Variants in IFNG observed in about 807,000 individuals in gnomAD.
The protein encoded by IFNG is IFN-gamma.
A neutral mutation model predicts 14.4 loss-of-function variants in IFNG; 8 were observed. The observed-to-expected ratio is 0.56, with a 90% CI of 0.33 to 1.00. The LOEUF (loss-of-function observed/expected upper bound fraction) is 1.00, where lower values mean the gene tolerates loss of function less well. Among genes scored for constraint, IFNG ranks in the 50% least tolerant of loss-of-function variants. The pLI, the probability that IFNG is intolerant of heterozygous loss-of-function variation, is 0.03. For synonymous variants in IFNG, 73 were observed against 65.4 expected, an observed-to-expected ratio of 1.12 and a Z score of -0.56; for missense variants, 132 against 194.9, an observed-to-expected ratio of 0.68 and a Z score of 1.92.
In IFNG at chr12:68,155,205, A is replaced by G. The variant is rs1882581946; in HGVS notation, c.*148T>C. 1 of 486,842 alleles carries G rather than the reference A, an allele frequency of 2.1e-6. No individual in the cohort carries two copies. Among genetic ancestry groups the G allele is most frequent in the Non-Finnish European group, 3.5e-6 (1 of 284,618 alleles). The allele number at this position is 486,842 out of a possible 1,614,324, so 30.2% of individuals were successfully genotyped here. A position where few individuals can be genotyped will look rare whatever the true frequency, so the allele number is the denominator to read the frequency against. On this transcript the variant is annotated 3_prime_UTR_variant, in exon 4 of 4. Coordinates refer to ENST00000229135, the MANE Select transcript of IFNG (RefSeq NM_000619.3). ...GGAATTATAAATAATACATATATTAATAGATATTCATTTTCATTACACAAA... is the reference window on the plus strand; with the variant it reads ...GGAATTATAAATAATACATATATTAGTAGATATTCATTTTCATTACACAAA...
At chr12:68,158,121 G>A (rs374143441) in intron 2 of IFNG, 26 bp from the exon 3 acceptor site, 2 of 1,595,488 alleles carry the variant, frequency 1.3e-6, no homozygotes. Flanking sequence ...CACAAACAGA[G>A]GATGATGTGA....
At chr12:68,158,126 A>ATG in intron 2 of IFNG, 31 bp from the exon 3 acceptor site, 1 of 1,595,434 alleles carries the variant, frequency 6.3e-7, no homozygotes, top group Non-Finnish European at 8.6e-7. Context: ...ACAGAGGATG[A>ATG]TGTGAATTTA....
At chr12:68,156,419 A>T (rs141608668) in intron 3 of IFNG, among the ~76,000 whole-genome samples, 94 of 143,206 alleles carry the variant, frequency 6.6e-4, no homozygotes, top group African/African-American at 2.3e-3. Context: ...CTCTGCCATT[A>T]CATTTTTTCT....
In IFNG at chr12:68,159,574, G is replaced by A. The variant is rs778895202; in HGVS notation, c.42C>T (p.Ile14=). ...AGTAACAGCCAAGAGAACCCAAAAC[G>A]ATGCAGAGCTGAAAAGCCAAGATAT... is the stretch of plus-strand genomic sequence containing the variant. ...TSYILAFQLC[I]VLGSLGCYCQ... is the part of the protein sequence containing the mutation. The change falls in exon 1 of 4, where the codon ATC becomes ATT. Residue 14 remains isoleucine, a synonymous_variant. Coordinates refer to ENST00000229135, the MANE Select transcript of IFNG (RefSeq NM_000619.3). 18 of 1,605,340 alleles carry A rather than the reference G, an allele frequency of 1.1e-5. No homozygotes were observed. The South Asian group carries it at 1.3e-4, about 12-fold the overall frequency.
Position 68,155,198 on chromosome 12 carries a change from T to C in IFNG, c.*155A>G. 1 of 467,188 alleles carries C rather than the reference T, an allele frequency of 2.1e-6. No individual in the cohort carries two copies. Among genetic ancestry groups the C allele is most frequent in the Non-Finnish European group, 3.7e-6 (1 of 272,940 alleles). The allele number at this position is 467,188 out of a possible 1,614,324, so 28.9% of individuals were successfully genotyped here. The stretch of plus-strand genomic sequence containing the variant: ...GGATATAGGAATTATAAATAATACA[T>C]ATATTAATAGATATTCATTTTCATT... On this transcript the variant is annotated 3_prime_UTR_variant, in exon 4 of 4. Coordinates refer to ENST00000229135, the MANE Select transcript of IFNG (RefSeq NM_000619.3).
intron 1 of IFNG, among the ~76,000 whole-genome samples, chr12:68,159,245 A>C (rs1204322279): frequency 1.3e-5 from 2 of 152,198 alleles, no homozygotes; most frequent in African/African-American, 2.4e-5. Context: ...TAACATCATT[A>C]TGCTTCATAC....
At chr12:68,157,848 T>C (rs769380155) in intron 3 of IFNG, 65 bp downstream of exon 3, 52 of 1,183,580 alleles carry the variant, frequency 4.4e-5, no homozygotes, top group Admixed American at 1.7e-4. Flanking sequence ...GTCTACTTTC[T>C]GGAGAATAAA....
chr12:68,159,386 C>T (rs1882652123), intron 1 of IFNG, 116 bp downstream of exon 1: 1 of 579,694 alleles, frequency 1.7e-6, no homozygotes, highest in Admixed American at 3.0e-5. Context: ...AACAAAATAA[C>T]ACCAAATCTC....
At position 68,155,221 on chromosome 12, in the gene IFNG, A is replaced by G. The variant is rs956247468; in HGVS notation, c.*132T>C. 3.8e-6 allele frequency: 2 copies of G among 528,358 alleles called. No homozygotes were observed. Among genetic ancestry groups the G allele is most frequent in the East Asian group, 3.3e-5 (1 of 30,518 alleles). The allele number at this position is 528,358 out of a possible 1,614,324, so 32.7% of individuals were successfully genotyped here. A position where few individuals can be genotyped will look rare whatever the true frequency, so the allele number is the denominator to read the frequency against. On this transcript the variant is annotated 3_prime_UTR_variant, in exon 4 of 4. Transcript: ENST00000229135. ...CATATATTAATAGATATTCATTTTCATTACACAAAAGTTGCTATTATAAAT... is the reference window on the plus strand; with the variant it reads ...CATATATTAATAGATATTCATTTTCGTTACACAAAAGTTGCTATTATAAAT...
chr12:68,155,566 T>C (rs933726242), intron 3 of IFNG, 79 bp from the exon 4 acceptor site: 14 of 1,345,358 alleles, frequency 1.0e-5, no homozygotes, highest in Non-Finnish European at 1.2e-5. Flanking sequence ...TGATGGTCAG[T>C]GAAAATAAAA....
intron 1 of IFNG, among the ~76,000 whole-genome samples, 170 bp from the exon 2 acceptor site, chr12:68,158,429 A>G (rs1882635047): frequency 6.6e-6 from 1 of 152,204 alleles, no homozygotes; most frequent in Non-Finnish European, 1.5e-5. Context: ...TGAGATATAG[A>G]CAAAGACTAT....
intron 3 of IFNG, among the ~76,000 whole-genome samples, chr12:68,156,267 T>C (rs1882599982): frequency 6.6e-6 from 1 of 152,208 alleles, no homozygotes; most frequent in African/African-American, 2.4e-5. Flanking sequence ...ATATATAAAG[T>C]TTAAAATTAA....
In IFNG at chr12:68,155,230, A is replaced by T. The variant is rs2069734; in HGVS notation, c.*123T>A. On this transcript the variant is annotated 3_prime_UTR_variant, in exon 4 of 4. Transcript: ENST00000229135. Reference sequence around the variant, plus strand: ...ATAGATATTCATTTTCATTACACAAAAGTTGCTATTATAAATACTTATTTG... The same window carrying T: ...ATAGATATTCATTTTCATTACACAATAGTTGCTATTATAAATACTTATTTG... The T allele has an allele frequency of 1.2e-5, 7 of 564,940 alleles. No homozygotes were observed. The highest frequency in any genetic ancestry group is 1.9e-5 in the African/African-American group (1 of 51,760). The allele number at this position is 564,940 out of a possible 1,614,324, so 35.0% of individuals were successfully genotyped here. A position where few individuals can be genotyped will look rare whatever the true frequency, so the allele number is the denominator to read the frequency against.
rs967355884 is a variant in IFNG at position 68,158,271 on chromosome 12, A to G, written c.115-12T>C. 1.5e-5 allele frequency: 24 copies of G among 1,577,452 alleles called. No homozygotes were observed. The Admixed American group carries it at 2.7e-4, about 18-fold the overall frequency. Reference sequence around the variant, plus strand: ...GAATGACCTGCATTCTAAAAAAAAAAAAAGAAAAAATTGGTTTACAATTAG... The same window carrying G: ...GAATGACCTGCATTCTAAAAAAAAAGAAAGAAAAAATTGGTTTACAATTAG... On this transcript the variant is annotated splice_polypyrimidine_tract_variant and intron_variant, in intron 1 of 3. Transcript: ENST00000229135.
intron 2 of IFNG, 26 bp downstream of exon 2, chr12:68,158,153 CAACAGGAAAATT>C: frequency 6.3e-7 from 1 of 1,595,926 alleles, no homozygotes; most frequent in Non-Finnish European, 8.5e-7. Flanking sequence ...AGAAAGCAAG[CAACAGGAAAATT>C]AGCCAAATGG....
In IFNG at chr12:68,159,599, T is replaced by C. The variant is rs1377379698; in HGVS notation, c.17A>G (p.Tyr6Cys). 1 of 1,590,102 alleles carries C rather than the reference T, an allele frequency of 6.3e-7. No homozygotes were observed. The highest frequency in any genetic ancestry group is 1.7e-5 in the Admixed American group (1 of 59,282). The change falls in exon 1 of 4, where the codon TAT (tyrosine) becomes TGT (cysteine). Residue 6 changes from tyrosine (Y) to cysteine (C), a missense_variant. Transcript: ENST00000229135. ...GATGCAGAGCTGAAAAGCCAAGATATAACTTGTATATTTCATCGTTTCCGA... is the reference window on the plus strand; with the variant it reads ...GATGCAGAGCTGAAAAGCCAAGATACAACTTGTATATTTCATCGTTTCCGA... MKYTSYILAFQLCIVL... is the reference protein window; with the variant it reads MKYTSCILAFQLCIVL...
In IFNG at chr12:68,158,376, C is replaced by T. The variant is rs559382568; in HGVS notation, c.115-117G>A. ...ATATTCACTGATTTCCTTTTCAACTCTTCTGCTTAGTTCTAACAATAAGTA... is the reference window on the plus strand; with the variant it reads ...ATATTCACTGATTTCCTTTTCAACTTTTCTGCTTAGTTCTAACAATAAGTA... On this transcript the variant is annotated intron_variant, in intron 1 of 3. Coordinates refer to ENST00000229135, the MANE Select transcript of IFNG (RefSeq NM_000619.3). 15 of 689,678 alleles carry T rather than the reference C, an allele frequency of 2.2e-5. No homozygotes were observed. In the East Asian group the frequency reaches 3.3e-4, roughly 15 times the overall value. The allele number at this position is 689,678 out of a possible 1,614,324, so 42.7% of individuals were successfully genotyped here. A position where few individuals can be genotyped will look rare whatever the true frequency, so the allele number is the denominator to read the frequency against.
At chr12:68,159,232 T>C (rs1489605171) in intron 1 of IFNG, among the ~76,000 whole-genome samples, 2 of 152,186 alleles carry the variant, frequency 1.3e-5, no homozygotes, top group East Asian at 1.9e-4. Flanking sequence ...ACCACAAAAT[T>C]ATTAACATCA....
intron 3 of IFNG, among the ~76,000 whole-genome samples, chr12:68,156,884 G>GTGAGAGGAC (rs1882609855): frequency 6.6e-6 from 1 of 152,156 alleles, no homozygotes; most frequent in South Asian, 2.1e-4. Flanking sequence ...CATGAGAGGA[G>GTGAGAGGAC]TGAGAGGCAG....
Sources: gnomAD v4.1 joint callset for allele counts (sites outside exome capture counted in the v4.1 genomes callset) on GRCh38, gnomAD v4.1.1 for gene constraint, MANE v1.5 for transcripts, NCBI Gene and HGNC (gene_info 2026-07-23, HGNC 2026-07-21) for gene names.